The following LAMTOR3 variants were observed in gnomAD, a reference collection of about 807,000 sequenced individuals.
LAMTOR3 encodes the protein late endosomal/lysosomal adaptor, MAPK and MTOR activator 3, also known as ragulator complex protein LAMTOR3.
Under a neutral mutation model 20.3 loss-of-function variants are expected in LAMTOR3, and 14 were observed. The ratio of observed to expected loss-of-function variants is 0.69; its 90% CI spans 0.46 to 1.08. LAMTOR3 has a LOEUF of 1.08. Among genes scored for constraint, LAMTOR3 ranks in the 50% least tolerant of loss-of-function variants. The probability of loss-of-function intolerance (pLI) is 0.00; values close to 1 mark genes in which losing one functional copy is unlikely to be tolerated. For missense variants in LAMTOR3, 125 were observed against 143.7 expected (o/e 0.87, Z 0.67); for synonymous variants, 40 against 49.4 (o/e 0.81, Z 0.80).
Position 99,879,816 on chromosome 4 carries a change from C to T in LAMTOR3, c.*2178G>A, listed in dbSNP as rs1724788061. ...TGGTATAGCCTACTACACACCTAGG[C>T]TATATGGTATAGCCTACTACTATAC... On this transcript the variant is annotated 3_prime_UTR_variant, in exon 7 of 7. Transcript: ENST00000499666. The T allele has an allele frequency of 6.9e-6, 1 of 144,018 alleles. No homozygotes were observed. Among genetic ancestry groups the T allele is most frequent in the South Asian group, 2.2e-4 (1 of 4,532 alleles). The allele number at this position is 144,018 out of a possible 1,614,324, so 8.9% of individuals were successfully genotyped here.
intron 5 of LAMTOR3, 75 bp from the exon 6 acceptor site, chr4:99,884,200 CT>C: frequency 1.8e-6 from 2 of 1,094,116 alleles, no homozygotes; most frequent in Non-Finnish European, 2.8e-6. Context: ...ATGTCTTAAT[CT>C]TTCAAAAACT....
chr4:99,882,322 A>G (rs1401438487), intron 6 of LAMTOR3, among the ~76,000 whole-genome samples: 1 of 152,202 alleles, frequency 6.6e-6, no homozygotes, highest in Non-Finnish European at 1.5e-5. Context: ...CAAATATGAA[A>G]TGCTCCAGTG....
intron 1 of LAMTOR3, 48 bp from the exon 2 acceptor site, chr4:99,894,048 C>T: frequency 8.2e-7 from 1 of 1,221,114 alleles, no homozygotes; most frequent in Non-Finnish European, 1.1e-6. Context: ...CTTCCTCGTC[C>T]TCCCCACCCA....
intron 3 of LAMTOR3, among the ~76,000 whole-genome samples, chr4:99,891,323 G>T (rs559579400): frequency 1.3e-5 from 2 of 152,288 alleles, no homozygotes; most frequent in Admixed American, 6.5e-5. Context: ...AGTTACTATG[G>T]TTAAGTAATA....
At chr4:99,889,667 A>T (rs567097018) in intron 3 of LAMTOR3, among the ~76,000 whole-genome samples, 40 of 152,322 alleles carry the variant, frequency 2.6e-4, no homozygotes, top group African/African-American at 9.4e-4. Context: ...GAAACTGTGC[A>T]TGTGGCTGGA....
chr4:99,882,070 A>T lies in LAMTOR3; in HGVS notation c.302-3T>A. 6.4e-7 allele frequency: 1 copy of T among 1,552,442 alleles called. No homozygotes were observed. The highest frequency in any genetic ancestry group is 8.7e-7 in the Non-Finnish European group (1 of 1,148,462). On this transcript the variant is annotated splice_polypyrimidine_tract_variant and splice_region_variant and intron_variant, in intron 6 of 6. Transcript: ENST00000499666. ...CTTTTCTAGGCTGACAATTAGTCCTAAAATAAAGAGATTAAGAAAATTACA... is the reference window on the plus strand; with the variant it reads ...CTTTTCTAGGCTGACAATTAGTCCTTAAATAAAGAGATTAAGAAAATTACA...
In LAMTOR3 at chr4:99,878,537, G is replaced by A. The variant is rs2110176731; in HGVS notation, c.*3457C>T. ...TCTGCTCCTTGGAGACTACCAATGTGATCAGGTTCTTCCATATATGTCTTC... is the reference window on the plus strand; with the variant it reads ...TCTGCTCCTTGGAGACTACCAATGTAATCAGGTTCTTCCATATATGTCTTC... On this transcript the variant is annotated 3_prime_UTR_variant, in exon 7 of 7. Transcript: ENST00000499666. 6.6e-6 allele frequency: 1 copy of A among 152,270 alleles called. No individual in the cohort carries two copies. The highest frequency in any genetic ancestry group is 2.4e-5 in the African/African-American group (1 of 41,564). The allele number at this position is 152,270 out of a possible 1,614,324, so 9.4% of individuals were successfully genotyped here.
At chr4:99,890,153 C>G (rs976844526) in intron 3 of LAMTOR3, among the ~76,000 whole-genome samples, 1 of 152,154 alleles carries the variant, frequency 6.6e-6, no homozygotes, top group African/African-American at 2.4e-5. Flanking sequence ...CTTAAGCTTA[C>G]TAAAACAACC....
chr4:99,885,128 C>A (rs968094477), intron 5 of LAMTOR3, among the ~76,000 whole-genome samples: 1 of 152,058 alleles, frequency 6.6e-6, no homozygotes, highest in Non-Finnish European at 1.5e-5. Flanking sequence ...TCATTTATTA[C>A]ATATATATAT....
At chr4:99,886,757 CAATAAA>C (rs999233799) in intron 4 of LAMTOR3, among the ~76,000 whole-genome samples, 14 of 152,148 alleles carry the variant, frequency 9.2e-5, no homozygotes, top group African/African-American at 3.1e-4. Flanking sequence ...TATAGTGTCC[CAATAAA>C]ACTAGGAACA....
Position 99,879,740 on chromosome 4 carries a change from C to G in LAMTOR3, c.*2254G>C, listed in dbSNP as rs1279292270. 1 of 152,010 alleles carries G rather than the reference C, an allele frequency of 6.6e-6. No homozygotes were observed. Among genetic ancestry groups the G allele is most frequent in the East Asian group, 1.9e-4 (1 of 5,204 alleles). The allele number at this position is 152,010 out of a possible 1,614,324, so 9.4% of individuals were successfully genotyped here. On this transcript the variant is annotated 3_prime_UTR_variant, in exon 7 of 7. Transcript: ENST00000499666. ...GAACCCCAGATGGTATAGCCTACTA[C>G]TACACACCTAGGCTATATGGTATAG...
At chr4:99,886,945 T>C (rs950311773) in intron 4 of LAMTOR3, among the ~76,000 whole-genome samples, 7 of 152,280 alleles carry the variant, frequency 4.6e-5, no homozygotes, top group African/African-American at 1.7e-4. Flanking sequence ...CACACATATA[T>C]ATATAGTAGG....
chr4:99,879,866 C>T lies in LAMTOR3; in HGVS notation c.*2128G>A, dbSNP rs896049372. On this transcript the variant is annotated 3_prime_UTR_variant, in exon 7 of 7. Coordinates refer to ENST00000499666, the MANE Select transcript of LAMTOR3 (RefSeq NM_021970.4). ...CACCTAGGCTATATGGTATAGCCTACTACTACACACCTAGGCTATATGGTA... is the reference window on the plus strand; with the variant it reads ...CACCTAGGCTATATGGTATAGCCTATTACTACACACCTAGGCTATATGGTA... 1 of 151,430 alleles carries T rather than the reference C, an allele frequency of 6.6e-6. No individual in the cohort carries two copies. The highest frequency in any genetic ancestry group is 2.4e-5 in the African/African-American group (1 of 41,112). The allele number at this position is 151,430 out of a possible 1,614,324, so 9.4% of individuals were successfully genotyped here.
At chr4:99,885,714 G>A (rs769375994) in intron 4 of LAMTOR3, 39 bp from the exon 5 acceptor site, 2 of 1,566,512 alleles carry the variant, frequency 1.3e-6, no homozygotes, top group Non-Finnish European at 1.7e-6. Flanking sequence ...TTATGCAGAG[G>A]ATATGGTAGA....
rs1364396886 is a variant in LAMTOR3 at position 99,879,506 on chromosome 4, T to G, written c.*2488A>C. ...CTGGCCACCTCATTTCTAAAAGACA[T>G]TGTTTCATGCACCATTGCACTGGCA... On this transcript the variant is annotated 3_prime_UTR_variant, in exon 7 of 7. Transcript: ENST00000499666. The G allele has an allele frequency of 6.6e-6, 1 of 152,148 alleles. No individual in the cohort carries two copies. Among genetic ancestry groups the G allele is most frequent in the Non-Finnish European group, 1.5e-5 (1 of 68,004 alleles). The allele number at this position is 152,148 out of a possible 1,614,324, so 9.4% of individuals were successfully genotyped here.
At chr4:99,886,286 C>T (rs1385783963) in intron 4 of LAMTOR3, among the ~76,000 whole-genome samples, 2 of 152,192 alleles carry the variant, frequency 1.3e-5, no homozygotes, top group Non-Finnish European at 2.9e-5. Context: ...AGCCATTCAA[C>T]AGCCATTTTA....
chr4:99,892,899 C>G (rs1725048665), intron 2 of LAMTOR3, among the ~76,000 whole-genome samples: 1 of 152,182 alleles, frequency 6.6e-6, no homozygotes, highest in South Asian at 2.1e-4. Flanking sequence ...AGGCTGGTCT[C>G]GAACTCCTGA....
chr4:99,886,985 A>C (rs534126313), intron 4 of LAMTOR3, among the ~76,000 whole-genome samples: 2 of 152,140 alleles, frequency 1.3e-5, no homozygotes, highest in Non-Finnish European at 2.9e-5. Context: ...AGCTGAATAC[A>C]TGCTCACTCT....
chr4:99,892,396 C>G (rs964997692), intron 2 of LAMTOR3, among the ~76,000 whole-genome samples: 1 of 152,136 alleles, frequency 6.6e-6, no homozygotes, highest in African/African-American at 2.4e-5. Flanking sequence ...CATCCTGTTG[C>G]TATTGTGTTC....
Sources: gnomAD v4.1 joint callset for allele counts (sites outside exome capture counted in the v4.1 genomes callset) on GRCh38, gnomAD v4.1.1 for gene constraint, MANE v1.5 for transcripts, NCBI Gene and HGNC (gene_info 2026-07-23, HGNC 2026-07-21) for gene names.